Variants in SENP8 observed in about 807,000 individuals in gnomAD.
SENP8 encodes the protein SUMO peptidase family member, NEDD8 specific, also known as sentrin-specific protease 8.
SENP8 carries 10 observed loss-of-function variants against 14.4 expected under a neutral mutation model. That is an observed-to-expected ratio of 0.69 (90% CI 0.43 to 1.18). The LOEUF (loss-of-function observed/expected upper bound fraction) is 1.18, where lower values mean the gene tolerates loss of function less well. SENP8 is among the 50% of genes most tolerant of loss of function. SENP8 has a pLI of 0.00. For missense variants in SENP8, 202 were observed against 249.4 expected, an observed-to-expected ratio of 0.81 and a Z score of 1.28; for synonymous variants, 94 against 95.5, an observed-to-expected ratio of 0.98 and a Z score of 0.09.
At chr15:72,124,846 A>G (rs1337948166) in intron 1 of SENP8, among the ~76,000 whole-genome samples, 3 of 152,246 alleles carry the variant, frequency 2.0e-5, no homozygotes, top group East Asian at 3.9e-4. Flanking sequence ...TATTAATCCT[A>G]TTTCTTAAAA....
chr15:72,138,349 CT>C (rs370827895), intron 1 of SENP8, among the ~76,000 whole-genome samples: 6,315 of 135,526 alleles, frequency 0.047, 179 homozygotes, highest in East Asian at 0.17. Context: ...CTAGGTATAA[CT>C]TTTTTTTTTT....
At chr15:72,119,303 A>G (rs1180567392) in intron 1 of SENP8, among the ~76,000 whole-genome samples, 3 of 152,220 alleles carry the variant, frequency 2.0e-5, no homozygotes, top group South Asian at 2.1e-4. Context: ...AATAAAACCA[A>G]TACTGTTGCC....
intron 1 of SENP8, among the ~76,000 whole-genome samples, chr15:72,131,642 G>A (rs1163245259): frequency 6.6e-6 from 1 of 152,100 alleles, no homozygotes; most frequent in Non-Finnish European, 1.5e-5. Flanking sequence ...TTCAATATTA[G>A]CTTCATTTAA....
chr15:72,118,110 C>T (rs918926561), upstream of SENP8: 11 of 389,310 alleles, frequency 2.8e-5, no homozygotes, highest in Non-Finnish European at 4.5e-5. Context: ...GCGGCCCCGC[C>T]CCGCGCGACT....
At chr15:72,117,670 C>T (rs1484865980), upstream of SENP8, 3 of 396,018 alleles carry the variant, frequency 7.6e-6, no homozygotes, top group Non-Finnish European at 1.3e-5. Context: ...GGCGCTTGGG[C>T]GGGTCTTACC....
chr15:72,137,930 C>T (rs563294582), intron 1 of SENP8, among the ~76,000 whole-genome samples: 17 of 151,894 alleles, frequency 1.1e-4, no homozygotes, highest in Non-Finnish European at 2.4e-4. Context: ...CAGGATCGCG[C>T]CACTGCACTC....
Position 72,143,315 on chromosome 15 carries a change from CT to C in SENP8, c.*3055del, listed in dbSNP as rs2081391867. 6.6e-6 allele frequency: 1 copy of C among 152,102 alleles called. No homozygotes were observed. Among genetic ancestry groups the C allele is most frequent in the Admixed American group, 6.6e-5 (1 of 15,264 alleles). The allele number at this position is 152,102 out of a possible 1,614,324, so 9.4% of individuals were successfully genotyped here. A position where few individuals can be genotyped will look rare whatever the true frequency, so the allele number is the denominator to read the frequency against. ...CATCTACAAAATAAACCTTGTTTTC[CT>C]TCTGTCCTACTCAGTTCCATTTTAA... On this transcript the variant is annotated 3_prime_UTR_variant, in exon 2 of 2. Coordinates refer to ENST00000340912, the MANE Select transcript of SENP8 (RefSeq NM_145204.4).
Position 72,141,701 on chromosome 15 carries a change from AAAAGTC to A in SENP8, c.*1444_*1449del, listed in dbSNP as rs557344850. 5.3e-5 allele frequency: 8 copies of A among 152,328 alleles called. No homozygotes were observed. The East Asian group carries it at 1.4e-3, about 26-fold the overall frequency. 9.4% of individuals were successfully genotyped at this position (152,328 alleles called of 1,614,324 possible). A position where few individuals can be genotyped will look rare whatever the true frequency, so the allele number is the denominator to read the frequency against. On this transcript the variant is annotated 3_prime_UTR_variant, in exon 2 of 2. Coordinates refer to ENST00000340912, the MANE Select transcript of SENP8 (RefSeq NM_145204.4). Reference sequence around the variant, plus strand: ...GCCTGAGTGAGCAGGAGCTGAAACTAAAAGTCAAAGAGAAAGCTATCAAAAAAAGTT... The same window carrying A: ...GCCTGAGTGAGCAGGAGCTGAAACTAAAAGAGAAAGCTATCAAAAAAAGTT...
At chr15:72,128,864 C>T (rs1160300243) in intron 1 of SENP8, among the ~76,000 whole-genome samples, 1 of 152,202 alleles carries the variant, frequency 6.6e-6, no homozygotes, top group East Asian at 1.9e-4. Flanking sequence ...TTAGAAACAA[C>T]TGACTTTTAT....
At chr15:72,118,300 T>C (rs544727513), upstream of SENP8, 6 of 254,036 alleles carry the variant, frequency 2.4e-5, no homozygotes, top group Admixed American at 1.7e-4. Flanking sequence ...TTTTTTCTTC[T>C]TCACCTTACG....
intron 1 of SENP8, among the ~76,000 whole-genome samples, chr15:72,137,225 T>C (rs2081335701): frequency 6.7e-6 from 1 of 149,456 alleles, no homozygotes; most frequent in South Asian, 2.1e-4. Context: ...GTAAGGTGGG[T>C]ATATGCCTTT....
rs1323786159 is a variant in SENP8 at position 72,141,035 on chromosome 15, A to G, written c.*773A>G. The G allele has an allele frequency of 1.2e-5, 2 of 166,034 alleles. No individual in the cohort carries two copies. The highest frequency in any genetic ancestry group is 4.8e-5 in the African/African-American group (2 of 41,448). 10.3% of individuals were successfully genotyped at this position (166,034 alleles called of 1,614,324 possible). A position where few individuals can be genotyped will look rare whatever the true frequency, so the allele number is the denominator to read the frequency against. On this transcript the variant is annotated 3_prime_UTR_variant, in exon 2 of 2. Transcript: ENST00000340912. ...ATAACTGCTTTTCTCTGCCTTGTCTATTAGCCATGCACACACTTCCTCCTT... is the reference window on the plus strand; with the variant it reads ...ATAACTGCTTTTCTCTGCCTTGTCTGTTAGCCATGCACACACTTCCTCCTT...
In SENP8 at chr15:72,142,429, G is replaced by A. The variant is rs1019483966; in HGVS notation, c.*2167G>A. 6.6e-6 allele frequency: 1 copy of A among 152,156 alleles called. No homozygotes were observed. The highest frequency in any genetic ancestry group is 2.4e-5 in the African/African-American group (1 of 41,424). The allele number at this position is 152,156 out of a possible 1,614,324, so 9.4% of individuals were successfully genotyped here. ...CAAAATAGGAAAAAATCTTTTGCTG[G>A]TATTGCGTTCCCTTCTCTCTTAGAG... On this transcript the variant is annotated 3_prime_UTR_variant, in exon 2 of 2. Coordinates refer to ENST00000340912, the MANE Select transcript of SENP8 (RefSeq NM_145204.4).
At chr15:72,127,161 A>G (rs2081228471) in intron 1 of SENP8, among the ~76,000 whole-genome samples, 2 of 152,246 alleles carry the variant, frequency 1.3e-5, no homozygotes, top group Non-Finnish European at 2.9e-5. Flanking sequence ...AACAAGGCAG[A>G]CAAGGCCCCT....
chr15:72,129,869 G>A (rs1018162179), intron 1 of SENP8, among the ~76,000 whole-genome samples: 1 of 151,656 alleles, frequency 6.6e-6, no homozygotes, highest in Non-Finnish European at 1.5e-5. Context: ...AATCCAGACT[G>A]AAACAGCAAT....
chr15:72,138,231 T>C (rs976512086), intron 1 of SENP8, among the ~76,000 whole-genome samples: 7 of 152,204 alleles, frequency 4.6e-5, no homozygotes, highest in African/African-American at 1.7e-4. Context: ...GTTCTCATTC[T>C]AACTAATCGT....
chr15:72,140,980 CT>C lies in SENP8; in HGVS notation c.*719del. ...TCTGGTGGACCTCTCAGTTTGCTCA[CT>C]GATTGGGTAGACTTGCTACTCTGGA... On this transcript the variant is annotated 3_prime_UTR_variant, in exon 2 of 2. Transcript: ENST00000340912. 6.0e-6 allele frequency: 1 copy of C among 167,210 alleles called. No individual in the cohort carries two copies. The allele number at this position is 167,210 out of a possible 1,614,324, so 10.4% of individuals were successfully genotyped here.
chr15:72,138,402 C>T (rs574223297), intron 1 of SENP8, among the ~76,000 whole-genome samples: 4 of 146,744 alleles, frequency 2.7e-5, no homozygotes, highest in South Asian at 4.3e-4. Context: ...CAGGCTGGAG[C>T]GCAATGGCAT....
intron 1 of SENP8, among the ~76,000 whole-genome samples, chr15:72,121,911 A>G (rs2081171581): frequency 6.6e-6 from 1 of 152,220 alleles, no homozygotes; most frequent in Admixed American, 6.5e-5. Flanking sequence ...TATAAATGAT[A>G]TTGTTAGTAC....
Sources: gnomAD v4.1 joint callset for allele counts (sites outside exome capture counted in the v4.1 genomes callset) on GRCh38, gnomAD v4.1.1 for gene constraint, MANE v1.5 for transcripts, NCBI Gene and HGNC (gene_info 2026-07-23, HGNC 2026-07-21) for gene names.